SPTA1: variants seen among roughly 807,000 people sequenced by gnomAD.
The protein encoded by SPTA1 is spectrin alpha chain, erythrocytic 1.
In SPTA1, 177 loss-of-function variants were observed where a neutral mutation model predicts 324.7. The observed-to-expected ratio is 0.55, with a 90% CI of 0.48 to 0.62. SPTA1 has a LOEUF of 0.62. SPTA1 is among the 20% of genes least tolerant of loss of function. The pLI, the probability that SPTA1 is intolerant of heterozygous loss-of-function variation, is 0.00. For synonymous variants in SPTA1, 1,195 were observed against 1,041.3 expected, an observed-to-expected ratio of 1.15 and a Z score of -2.84; for missense variants, 3,162 against 2,883.6, an observed-to-expected ratio of 1.10 and a Z score of -2.21.
Position 158,636,697 on chromosome 1 carries a change from G to C in SPTA1, c.5254C>G (p.Leu1752Val). Residue 1752 changes from leucine to valine, a missense_variant, in exon 37 of 52, where the codon CTG becomes GTG. Leu to Val is a conservative substitution (Grantham distance 32). Transcript: ENST00000643759. Reference protein sequence around the residue: ...GRDLQGVQNLLKKHKRLEGEL... With the variant: ...GRDLQGVQNLVKKHKRLEGEL... Reference sequence around the variant, plus strand: ...CCCTCTAGGCGTTTGTGCTTCTTCAGCAAGTTCTGAACCCCCTGAAGATCT... The same window carrying C: ...CCCTCTAGGCGTTTGTGCTTCTTCACCAAGTTCTGAACCCCCTGAAGATCT... The C allele has an allele frequency of 6.2e-7, 1 of 1,614,132 alleles. No homozygotes were observed. Among genetic ancestry groups the C allele is most frequent in the African/African-American group, 1.3e-5 (1 of 75,026 alleles).
At position 158,685,129 on chromosome 1, in the gene SPTA1, A is replaced by G. The variant is rs369988146; in HGVS notation, c.243T>C (p.Tyr81=). The G allele has an allele frequency of 7.1e-5, 114 of 1,613,588 alleles. 1 individual carries two copies. In the East Asian group the frequency reaches 8.5e-4, roughly 12 times the overall value. ...EKVNILTDKS[Y]EDPTNIQGKY... is the part of the protein sequence containing the mutation. Reference sequence around the variant, plus strand: ...TGACCTGTATATTAGTTGGGTCTTCATAGCTCTTATCGGTTAAGATATTGA... The same window carrying G: ...TGACCTGTATATTAGTTGGGTCTTCGTAGCTCTTATCGGTTAAGATATTGA... The change falls in exon 2 of 52, where the codon TAT becomes TAC. Residue 81 remains tyrosine, a synonymous_variant. Transcript: ENST00000643759.
intron 41 of SPTA1, among the ~76,000 whole-genome samples, 185 bp downstream of exon 41, chr1:158,626,654 G>T (rs181992785): frequency 0.013 from 1,960 of 148,534 alleles, 20 homozygotes; most frequent in Non-Finnish European, 0.019. Flanking sequence ...CTTTGTGTGT[G>T]TGTGTTTATG....
intron 18 of SPTA1, among the ~76,000 whole-genome samples, chr1:158,659,904 C>T (rs1463782650): frequency 1.6e-5 from 1 of 61,426 alleles, no homozygotes; most frequent in Non-Finnish European, 2.6e-5. Flanking sequence ...GCCACCGCGC[C>T]CGGCCTAGTC....
chr1:158,612,648 G>A (rs1484703080), intron 51 of SPTA1, 169 bp downstream of exon 51: 2 of 706,880 alleles, frequency 2.8e-6, no homozygotes, highest in East Asian at 2.7e-5. Context: ...TTTTGAGTTG[G>A]GTCAAGACAA....
intron 21 of SPTA1, 94 bp from the exon 22 acceptor site, chr1:158,653,519 G>A (rs1652614743): frequency 1.3e-6 from 2 of 1,547,578 alleles, no homozygotes; most frequent in African/African-American, 1.4e-5. Context: ...CCCAGGCACA[G>A]GTTAATGGCA....
rs1198713062 is a variant in SPTA1, at chr1:158,677,715, C to A, written c.932G>T (p.Arg311Ile). The A allele has an allele frequency of 2.5e-6, 4 of 1,613,470 alleles. No individual in the cohort carries two copies. The highest frequency in any genetic ancestry group is 1.7e-4 in the Middle Eastern group (1 of 6,058). ...CTTGTCACTCATGACAGCAAGATTTCTCTCAAGTCCCTTGTGACTGTGAAA... is the reference window on the plus strand; with the variant it reads ...CTTGTCACTCATGACAGCAAGATTTATCTCAAGTCCCTTGTGACTGTGAAA... ...GLFHSHKGLE[R>I]NLAVMSDKVK... The change falls in exon 7 of 52, where the codon AGA becomes ATA. Residue 311 changes from arginine to isoleucine, a missense_variant. Coordinates refer to ENST00000643759, the MANE Select transcript of SPTA1 (RefSeq NM_003126.4).
chr1:158,661,417 G>A lies in SPTA1; in HGVS notation c.2465-8C>T, dbSNP rs1366104541. On this transcript the variant is annotated splice_region_variant and splice_polypyrimidine_tract_variant and intron_variant, in intron 17 of 51. Transcript: ENST00000643759. ...AAGCAATCAGGTCCTTTCCTGCAGA[G>A]GAAAGGAATTTCAAAGTTTCGGATT... 6.2e-7 allele frequency: 1 copy of A among 1,613,678 alleles called. No homozygotes were observed. Among genetic ancestry groups the A allele is most frequent in the South Asian group, 1.1e-5 (1 of 91,078 alleles).
At chr1:158,624,679 G>A (rs1025079299) in intron 42 of SPTA1, among the ~76,000 whole-genome samples, 3 of 152,210 alleles carry the variant, frequency 2.0e-5, no homozygotes, top group Non-Finnish European at 4.4e-5. Flanking sequence ...GCCAGGATTT[G>A]AGGGGCTATA....
chr1:158,639,291 G>T (rs1651347463), intron 35 of SPTA1: 3 of 400,164 alleles, frequency 7.5e-6, no homozygotes, highest in South Asian at 5.1e-5. Context: ...CAAATATATA[G>T]CTTAAAGACA....
intron 10 of SPTA1, among the ~76,000 whole-genome samples, 188 bp downstream of exon 10, chr1:158,674,141 C>T (rs1654233203): frequency 6.6e-6 from 1 of 152,156 alleles, no homozygotes; most frequent in South Asian, 2.1e-4. Flanking sequence ...GGTCCTGGAA[C>T]CAATGCCCCA....
intron 26 of SPTA1, among the ~76,000 whole-genome samples, 183 bp downstream of exon 26, chr1:158,648,326 G>T (rs1652149769): frequency 6.6e-6 from 1 of 152,268 alleles, no homozygotes; most frequent in Non-Finnish European, 1.5e-5. Flanking sequence ...CCATGTTAAT[G>T]GTCATGGGGC....
chr1:158,642,917 T>C lies in SPTA1; in HGVS notation c.4502A>G (p.Asn1501Ser), dbSNP rs750485451. Residue 1501 changes from asparagine to serine, a missense_variant, in exon 32 of 52, where the codon AAC becomes AGC. Coordinates refer to ENST00000643759, the MANE Select transcript of SPTA1 (RefSeq NM_003126.4). Reference protein sequence around the residue: ...DERTKLGDYANLKQFYRDLEE... With the variant: ...DERTKLGDYASLKQFYRDLEE... ...AAGGTCTCGGTAGAATTGTTTTAGG[T>C]TGGCATAGTCTCCAAGCTTTGTCCG... is the stretch of plus-strand genomic sequence containing the variant. The C allele has an allele frequency of 2.5e-6, 4 of 1,613,868 alleles. No homozygotes were observed. The highest frequency in any genetic ancestry group is 1.7e-5 in the Admixed American group (1 of 59,980).
Position 158,639,554 on chromosome 1 carries a change from A to G in SPTA1, c.4980+28T>C. ...AGCCAGAAATATTTCTATTCTGCCC[A>G]GAGGAGAGGGATGCCAACACTACTT... On this transcript the variant is annotated intron_variant, in intron 35 of 51. Transcript: ENST00000643759. 1.9e-6 allele frequency: 3 copies of G among 1,605,586 alleles called. No homozygotes were observed. The Admixed American group carries it at 5.0e-5, about 27-fold the overall frequency.
At chr1:158,682,163 A>T (rs1169213165) in intron 3 of SPTA1, among the ~76,000 whole-genome samples, 1 of 152,212 alleles carries the variant, frequency 6.6e-6, no homozygotes, top group African/African-American at 2.4e-5. Context: ...TTTTGGGACT[A>T]TACAGTTTGA....
rs1364627327 is a variant in SPTA1 at position 158,610,993 on chromosome 1, A to G, written c.*271T>C. On this transcript the variant is annotated 3_prime_UTR_variant, in exon 52 of 52. Transcript: ENST00000643759. ...CGTGCAAAACAGAACAAATAAAAAT[A>G]GAAACTTTGACACCCCTCAGCAGTG... is the stretch of plus-strand genomic sequence containing the variant. 7.8e-6 allele frequency: 3 copies of G among 383,894 alleles called. No homozygotes were observed. Among genetic ancestry groups the G allele is most frequent in the Middle Eastern group, 7.5e-4 (1 of 1,332 alleles). The allele number at this position is 383,894 out of a possible 1,614,324, so 23.8% of individuals were successfully genotyped here.
At chr1:158,625,669 C>CA (rs918271949) in intron 42 of SPTA1, among the ~76,000 whole-genome samples, 9 of 150,658 alleles carry the variant, frequency 6.0e-5, no homozygotes, top group Non-Finnish European at 1.2e-4. Flanking sequence ...TAAGAAATTT[C>CA]AAAAAAAATT....
intron 18 of SPTA1, among the ~76,000 whole-genome samples, chr1:158,659,054 G>A (rs73018265): frequency 0.088 from 13,333 of 151,848 alleles, 1,936 homozygotes; most frequent in African/African-American, 0.3. Context: ...CTAAAGAAAG[G>A]AATGAAGAAT....
In SPTA1 at chr1:158,615,369, T is replaced by G. The variant is rs530507207; in HGVS notation, c.6635A>C (p.Gln2212Pro). The G allele has an allele frequency of 6.2e-7, 1 of 1,614,164 alleles. No homozygotes were observed. Among genetic ancestry groups the G allele is most frequent in the African/African-American group, 1.3e-5 (1 of 75,058 alleles). ...KQKEIQAMKRQLTKIVDLGDN... is the reference protein window; with the variant it reads ...KQKEIQAMKRPLTKIVDLGDN... ...CCCCAGGTCCACAATCTTGGTTAGT[T>G]GACGCTTCATCGCCTGGATCTCCTT... Residue 2212 changes from glutamine to proline, a missense_variant, in exon 48 of 52, where the codon CAA becomes CCA. Physicochemically the swap from Gln to Pro is moderately conservative, Grantham distance 76. Transcript: ENST00000643759.
intron 41 of SPTA1, 26 bp from the exon 42 acceptor site, chr1:158,626,248 A>G: frequency 6.2e-7 from 1 of 1,609,972 alleles, no homozygotes; most frequent in South Asian, 1.1e-5. Flanking sequence ...AATTAAGAAG[A>G]GAAAGACATT....
Sources: allele counts gnomAD v4.1 joint callset (sites outside exome capture counted in the v4.1 genomes callset), GRCh38; gene constraint gnomAD v4.1.1; transcripts MANE v1.5; gene names NCBI Gene and HGNC (gene_info 2026-07-23, HGNC 2026-07-21).